The following CARMIL1 variants were observed in gnomAD, a reference collection of about 807,000 sequenced individuals.
CARMIL1 encodes the protein capping protein regulator and myosin 1 linker 1.
CARMIL1 carries 90 observed loss-of-function variants against 177.1 expected under a neutral mutation model. That is an observed-to-expected ratio of 0.51 (90% confidence interval 0.43 to 0.61). The LOEUF is 0.61. Among genes scored for constraint, CARMIL1 ranks in the 20% least tolerant of loss-of-function variants. The pLI is 0.00. For synonymous variants in CARMIL1, 577 were observed against 606.2 expected (o/e 0.95, Z 0.71); for missense variants, 1,380 against 1,667.0 (o/e 0.83, Z 3.00).
chr6:25,552,349 G>A (rs1582337441), intron 27 of CARMIL1, among the ~76,000 whole-genome samples: 1 of 152,198 alleles, frequency 6.6e-6, no homozygotes, highest in East Asian at 1.9e-4. Flanking sequence ...ATAGCTTTGA[G>A]TATCAAATTC....
At chr6:25,373,456 T>C (rs1176135862) in intron 2 of CARMIL1, among the ~76,000 whole-genome samples, 1 of 151,482 alleles carries the variant, frequency 6.6e-6, no homozygotes, top group Non-Finnish European at 1.5e-5. Flanking sequence ...CTAGGAAGAT[T>C]GTATGTTTCC....
At chr6:25,542,934 C>A (rs1211749537) in intron 26 of CARMIL1, among the ~76,000 whole-genome samples, 1 of 152,194 alleles carries the variant, frequency 6.6e-6, no homozygotes, top group Admixed American at 6.5e-5. Flanking sequence ...CTACTACTAT[C>A]AAATTTTCCT....
At chr6:25,450,068 C>G (rs1048762778) in intron 6 of CARMIL1, 73 bp downstream of exon 6, 1 of 1,241,262 alleles carries the variant, frequency 8.1e-7, no homozygotes, top group Non-Finnish European at 1.1e-6. Flanking sequence ...TAAGTCTATT[C>G]CTAGTGTGCT....
rs138550654 is a variant in CARMIL1, at chr6:25,371,726, G to C, written c.139-48388G>C. Among the ~76,000 whole-genome samples the C allele has an allele frequency of 4.9e-3, 741 of 152,280 alleles. 6 individuals are homozygous for C. Among genetic ancestry groups the C allele is most frequent in the African/African-American group, 0.017 (700 of 41,578 alleles). Reference sequence around the variant, plus strand: ...ACTCTGTGGGTCATCTGTTTACTCTGATGGTGATTTGCTGTGCAGAAGCTT... The same window carrying C: ...ACTCTGTGGGTCATCTGTTTACTCTCATGGTGATTTGCTGTGCAGAAGCTT... On this transcript the variant is annotated intron_variant, in intron 2 of 36. Coordinates refer to ENST00000329474, the MANE Select transcript of CARMIL1 (RefSeq NM_017640.6).
chr6:25,382,839 C>T (rs2223439), intron 2 of CARMIL1, among the ~76,000 whole-genome samples: 2 of 152,100 alleles, frequency 1.3e-5, no homozygotes, highest in Non-Finnish European at 2.9e-5. Context: ...CCCACTCGAC[C>T]CAGGAAGTTC....
At chr6:25,498,032 TC>T (rs1366749772) in intron 16 of CARMIL1, among the ~76,000 whole-genome samples, 1 of 152,204 alleles carries the variant, frequency 6.6e-6, no homozygotes, top group African/African-American at 2.4e-5. Context: ...TGCTCTTTGC[TC>T]CAGCATCACT....
chr6:25,563,704 T>C, intron 29 of CARMIL1: 1 of 985,410 alleles, frequency 1.0e-6, no homozygotes, highest in Non-Finnish European at 1.2e-6. Flanking sequence ...TTGCTAGGAA[T>C]GGAAGGTGAA....
At chr6:25,566,097 A>G (rs1811534785) in intron 29 of CARMIL1, among the ~76,000 whole-genome samples, 1 of 151,964 alleles carries the variant, frequency 6.6e-6, no homozygotes, top group Non-Finnish European at 1.5e-5. Flanking sequence ...TCCCTCCCTC[A>G]TCCAAGACAT....
chr6:25,471,069 A>G (rs1030747286), intron 9 of CARMIL1, 100 bp from the exon 10 acceptor site: 13 of 665,048 alleles, frequency 2.0e-5, no homozygotes, highest in East Asian at 2.8e-5. Flanking sequence ...GAATGAGTGA[A>G]TGTTTTACTT....
intron 2 of CARMIL1, among the ~76,000 whole-genome samples, chr6:25,292,509 G>A (rs903430338): frequency 6.6e-6 from 1 of 152,142 alleles, no homozygotes; most frequent in African/African-American, 2.4e-5. Context: ...CTCTGGGTAG[G>A]GGCTGGGGGC....
At chr6:25,516,596 C>T (rs924300789) in intron 21 of CARMIL1, among the ~76,000 whole-genome samples, 3 of 152,088 alleles carry the variant, frequency 2.0e-5, no homozygotes, top group East Asian at 1.9e-4. Context: ...AGAAGGTCAT[C>T]GAGATTAGGA....
chr6:25,475,400 C>CA (rs759669150), intron 11 of CARMIL1, among the ~76,000 whole-genome samples: 2,114 of 87,738 alleles, frequency 0.024, 47 homozygotes, highest in African/African-American at 0.07. Context: ...GACTCCGTCT[C>CA]AAAAAAAAAA....
At chr6:25,343,869 A>G (rs1025339093) in intron 2 of CARMIL1, among the ~76,000 whole-genome samples, 3 of 152,060 alleles carry the variant, frequency 2.0e-5, no homozygotes, top group African/African-American at 7.2e-5. Context: ...CACCATGGGT[A>G]GAGCTGGGGT....
At chr6:25,336,680 A>C (rs1468199322) in intron 2 of CARMIL1, among the ~76,000 whole-genome samples, 1 of 152,160 alleles carries the variant, frequency 6.6e-6, no homozygotes, top group Non-Finnish European at 1.5e-5. Flanking sequence ...GTATGATTCC[A>C]TTTTTGTACC....
chr6:25,437,515 G>T (rs1238611810), intron 5 of CARMIL1, among the ~76,000 whole-genome samples: 1 of 152,170 alleles, frequency 6.6e-6, no homozygotes, highest in Admixed American at 6.5e-5. Flanking sequence ...TTTCTAGGAA[G>T]AAAGTTCCCA....
At position 25,289,891 on chromosome 6, in the gene CARMIL1, G is replaced by A. The variant is rs145383909; in HGVS notation, c.138+4982G>A. ...GAATAAAACTGGTGTAAACATTTGTGTACAGATTTTTGAGTGAACATACTT... is the reference window on the plus strand; with the variant it reads ...GAATAAAACTGGTGTAAACATTTGTATACAGATTTTTGAGTGAACATACTT... On this transcript the variant is annotated intron_variant, in intron 2 of 36. Coordinates refer to ENST00000329474, the MANE Select transcript of CARMIL1 (RefSeq NM_017640.6). 1.2e-3 allele frequency among the ~76,000 whole-genome samples: 183 copies of A among 152,326 alleles called. 1 individual carries two copies. Among genetic ancestry groups the A allele is most frequent in the Middle Eastern group, 0.01 (3 of 294 alleles).
intron 12 of CARMIL1, among the ~76,000 whole-genome samples, chr6:25,485,421 A>G (rs535380019): frequency 2.0e-5 from 3 of 152,258 alleles, no homozygotes; most frequent in African/African-American, 7.2e-5. Flanking sequence ...TTTTTATCTT[A>G]TTTTATTTTA....
chr6:25,429,962 C>T (rs934417899), intron 4 of CARMIL1, among the ~76,000 whole-genome samples: 1 of 151,902 alleles, frequency 6.6e-6, no homozygotes. Context: ...TCTCTTGCCT[C>T]AGCCTCCCGA....
At chr6:25,410,092 G>A (rs74293295) in intron 2 of CARMIL1, among the ~76,000 whole-genome samples, 6,893 of 75,996 alleles carry the variant, frequency 0.091, 346 homozygotes, top group East Asian at 0.33. Context: ...CCCGCCCCCC[G>A]CCGCCATATG....
Sources: gnomAD v4.1 joint callset for allele counts (sites outside exome capture counted in the v4.1 genomes callset) on GRCh38, gnomAD v4.1.1 for gene constraint, MANE v1.5 for transcripts, NCBI Gene and HGNC (gene_info 2026-07-23, HGNC 2026-07-21) for gene names.